The following TMEM259 variants were observed in gnomAD, a reference collection of about 807,000 sequenced individuals.
TMEM259 encodes membralin.
In TMEM259, 26 loss-of-function variants were observed where a neutral mutation model predicts 46.7. The ratio of observed to expected loss-of-function variants is 0.56; its 90% CI spans 0.41 to 0.77. The LOEUF is 0.77. Ranked by LOEUF, TMEM259 falls within the 30% of genes least tolerant of loss-of-function variation. The pLI is 0.00. For missense variants in TMEM259, 930 were observed against 900.5 expected (o/e 1.03, Z -0.42); for synonymous variants, 494 against 395.1 (o/e 1.25, Z -2.97).
At position 1,009,842 on chromosome 19, in the gene TMEM259, C is replaced by A; in HGVS notation, c.*508G>T. The A allele has an allele frequency of 2.3e-6, 1 of 428,286 alleles. No homozygotes were observed. The highest frequency in any genetic ancestry group is 4.1e-6 in the Non-Finnish European group (1 of 244,672). The allele number at this position is 428,286 out of a possible 1,614,324, so 26.5% of individuals were successfully genotyped here. A position where few individuals can be genotyped will look rare whatever the true frequency, so the allele number is the denominator to read the frequency against. ...TGATGTTGGCGCCTGCACCCCACGT[C>A]CCTATGCCCGAGGCGCAAGCTCTGC... On this transcript the variant is annotated 3_prime_UTR_variant, in exon 11 of 11. Transcript: ENST00000356663.
At position 1,011,806 on chromosome 19, in the gene TMEM259, G is replaced by A. The variant is rs1395118561; in HGVS notation, c.943-8C>T. On this transcript the variant is annotated splice_polypyrimidine_tract_variant and splice_region_variant and intron_variant, in intron 6 of 10. Transcript: ENST00000356663. Reference sequence around the variant, plus strand: ...CATGGACACGCTCAGCGTCTGCAAGGGGCGCGCAGGAAGCGCTATGAGGGG... The same window carrying A: ...CATGGACACGCTCAGCGTCTGCAAGAGGCGCGCAGGAAGCGCTATGAGGGG... The A allele has an allele frequency of 1.6e-5, 25 of 1,583,238 alleles. No homozygotes were observed. Among genetic ancestry groups the A allele is most frequent in the Non-Finnish European group, 2.1e-5 (25 of 1,164,070 alleles).
Position 1,011,480 on chromosome 19 carries a change from CG to C in TMEM259, c.1103del (p.Ser368TrpfsTer75). ...LALVGMEAIM[S>X]EFFNDTTTAF... ...CGGTGGTGGTGTCGTTGAAGAACTC[CG>C]ACATGATGGCCTCCATCCCTGCAGG... On this transcript the variant is annotated frameshift_variant, in exon 9 of 11. Coordinates refer to ENST00000356663, the MANE Select transcript of TMEM259 (RefSeq NM_001033026.2). LOFTEE classifies it high-confidence loss of function. 1.9e-6 allele frequency: 3 copies of C among 1,550,096 alleles called. No homozygotes were observed. Among genetic ancestry groups the C allele is most frequent in the Non-Finnish European group, 2.6e-6 (3 of 1,147,750 alleles).
chr19:1,014,378 A>G lies in TMEM259; in HGVS notation c.321T>C (p.Arg107=), dbSNP rs1058506. The part of the protein sequence containing the change: ...CLEHVRDKWP[R]EGILRVEVRH... ...GCACTTCCACACGCAGGATGCCCTC[A>G]CGCGGCCACTTGTCACGCACATGCT... Residue 107 remains arginine, a synonymous_variant, in exon 2 of 11, where the codon CGT becomes CGC. Coordinates refer to ENST00000356663, the MANE Select transcript of TMEM259 (RefSeq NM_001033026.2). 298,189 of 1,612,684 alleles carry G rather than the reference A, an allele frequency of 0.18. 28,365 individuals are homozygous for G. The highest frequency in any genetic ancestry group is 0.24 in the South Asian group (22,095 of 91,078).
At chr19:1,014,169 A>T in intron 2 of TMEM259, 23 bp downstream of exon 2, 1 of 1,593,940 alleles carries the variant, frequency 6.3e-7, no homozygotes, top group Non-Finnish European at 8.6e-7. Context: ...CCTCTGCTGC[A>T]GCTGAGCCCA....
chr19:1,015,588 G>T (rs960020151), intron 1 of TMEM259, among the ~76,000 whole-genome samples: 7 of 152,156 alleles, frequency 4.6e-5, no homozygotes, highest in Non-Finnish European at 7.4e-5. Context: ...ACGTCTACCT[G>T]CTGCCCCGAT....
chr19:1,014,114 T>C, intron 2 of TMEM259, 78 bp downstream of exon 2: 3 of 1,503,052 alleles, frequency 2.0e-6, no homozygotes, highest in South Asian at 1.2e-5. Flanking sequence ...ATCCTGTCGA[T>C]GTCAGGAACC....
rs534895407 is a variant in TMEM259 at position 1,015,646 on chromosome 19, A to G, written c.226-1173T>C. Among the ~76,000 whole-genome samples the G allele has an allele frequency of 8.6e-5, 13 of 151,166 alleles. No individual in the cohort carries two copies. The South Asian group carries it at 2.3e-3, about 27-fold the overall frequency. On this transcript the variant is annotated intron_variant, in intron 1 of 10. Transcript: ENST00000356663. ...GGGCCAAGGGGGCGCCCACGGCCACATGGAACCCCAGACTCTCAGGGAAGA... is the reference window on the plus strand; with the variant it reads ...GGGCCAAGGGGGCGCCCACGGCCACGTGGAACCCCAGACTCTCAGGGAAGA...
chr19:1,018,392 A>G (rs1465016764), intron 1 of TMEM259, among the ~76,000 whole-genome samples: 1 of 152,162 alleles, frequency 6.6e-6, no homozygotes, highest in African/African-American at 2.4e-5. Context: ...CATTTCCTAA[A>G]GCCACCCAGG....
At chr19:1,012,029 C>T (rs772690124) in intron 5 of TMEM259, 37 bp from the exon 6 acceptor site, 21 of 1,611,660 alleles carry the variant, frequency 1.3e-5, no homozygotes, top group South Asian at 5.5e-5. Context: ...CGCCCCCACC[C>T]GCGCCCTCGC....
Position 1,020,232 on chromosome 19 carries a change from G to T in TMEM259, c.225+540C>A, listed in dbSNP as rs539164887. ...GGGAACGCAGCTGAAAGGCTACAAGGAGGGAGAGAGGGGAGTGGGGAGTCG... is the reference window on the plus strand; with the variant it reads ...GGGAACGCAGCTGAAAGGCTACAAGTAGGGAGAGAGGGGAGTGGGGAGTCG... On this transcript the variant is annotated intron_variant, in intron 1 of 10. Coordinates refer to ENST00000356663, the MANE Select transcript of TMEM259 (RefSeq NM_001033026.2). This position sits in a 1 kb window ranked among gnomAD's most constrained non-coding sequence, Gnocchi z 4.0. 6.6e-6 allele frequency among the ~76,000 whole-genome samples: 1 copy of T among 152,194 alleles called. No homozygotes were observed. Among genetic ancestry groups the T allele is most frequent in the Admixed American group, 6.5e-5 (1 of 15,282 alleles).
chr19:1,014,298 C>G lies in TMEM259; in HGVS notation c.401G>C (p.Arg134Pro). The change falls in exon 2 of 11, where the codon CGC becomes CCC. Residue 134 changes from arginine to proline, a missense_variant. Coordinates refer to ENST00000356663, the MANE Select transcript of TMEM259 (RefSeq NM_001033026.2). ...VFLQFCDSGG[R>P]GSFPGLAVEP... Reference sequence around the variant, plus strand: ...CACGGCCAGGCCCGGGAAGCTCCCGCGGCCGCCGCTGTCACAGAACTGTAG... The same window carrying G: ...CACGGCCAGGCCCGGGAAGCTCCCGGGGCCGCCGCTGTCACAGAACTGTAG... 6.2e-7 allele frequency: 1 copy of G among 1,612,722 alleles called. No homozygotes were observed. Among genetic ancestry groups the G allele is most frequent in the Middle Eastern group, 1.6e-4 (1 of 6,062 alleles).
intron 3 of TMEM259, among the ~76,000 whole-genome samples, chr19:1,012,914 G>C (rs2038984683): frequency 6.6e-6 from 1 of 152,178 alleles, no homozygotes; most frequent in Non-Finnish European, 1.5e-5. Context: ...TCTGCTGCCA[G>C]ATGGGCAGGG....
intron 1 of TMEM259, among the ~76,000 whole-genome samples, chr19:1,018,246 G>C (rs999297783): frequency 6.6e-6 from 1 of 152,062 alleles, no homozygotes; most frequent in Non-Finnish European, 1.5e-5. Context: ...GAGGTCTCCC[G>C]AGGGCCCCTG....
chr19:1,015,711 C>T (rs373253674), intron 1 of TMEM259, among the ~76,000 whole-genome samples: 2 of 152,208 alleles, frequency 1.3e-5, no homozygotes, highest in African/African-American at 4.8e-5. Context: ...GAGCCTGGAG[C>T]ACAGGGCCCC....
chr19:1,010,245 G>C lies in TMEM259; in HGVS notation c.*105C>G. 5.4e-6 allele frequency: 6 copies of C among 1,112,022 alleles called. No homozygotes were observed. The highest frequency in any genetic ancestry group is 6.0e-6 in the Non-Finnish European group (5 of 828,096). The allele number at this position is 1,112,022 out of a possible 1,614,324, so 68.9% of individuals were successfully genotyped here. On this transcript the variant is annotated 3_prime_UTR_variant, in exon 11 of 11. Coordinates refer to ENST00000356663, the MANE Select transcript of TMEM259 (RefSeq NM_001033026.2). Reference sequence around the variant, plus strand: ...GAAACCCTGAAAGCCCCCGACACAGGCTGGGCAGTCCCAGAGGAAGGAGGT... The same window carrying C: ...GAAACCCTGAAAGCCCCCGACACAGCCTGGGCAGTCCCAGAGGAAGGAGGT...
In TMEM259 at chr19:1,020,793, G is replaced by A. The variant is rs756044896; in HGVS notation, c.204C>T (p.Phe68=). The change falls in exon 1 of 11, where the codon TTC becomes TTT. Residue 68 remains phenylalanine, a synonymous_variant. Transcript: ENST00000356663. This position sits in a 1 kb window ranked among gnomAD's most constrained non-coding sequence, Gnocchi z 4.0. Reference sequence around the variant, plus strand: ...TCACCTTGAGCAGCACGAAGAACTCGAAGAGACGGCGGAAGGCGGGCGGGA... The same window carrying A: ...TCACCTTGAGCAGCACGAAGAACTCAAAGAGACGGCGGAAGGCGGGCGGGA... ...RLFPPAFRRL[F]EFFVLLKALF... is the part of the protein sequence containing the mutation. The A allele has an allele frequency of 9.5e-5, 129 of 1,353,024 alleles. No individual in the cohort carries two copies. Among genetic ancestry groups the A allele is most frequent in the Non-Finnish European group, 1.2e-4 (124 of 1,048,302 alleles). 83.8% of individuals were successfully genotyped at this position (1,353,024 alleles called of 1,614,324 possible). A position where few individuals can be genotyped will look rare whatever the true frequency, so the allele number is the denominator to read the frequency against.
intron 1 of TMEM259, among the ~76,000 whole-genome samples, chr19:1,018,018 G>A (rs969174056): frequency 6.6e-6 from 1 of 152,240 alleles, no homozygotes; most frequent in South Asian, 2.1e-4. Flanking sequence ...CCCCACAAGA[G>A]GAGCCCCATT....
chr19:1,018,194 A>T (rs2039171646), intron 1 of TMEM259, among the ~76,000 whole-genome samples: 1 of 152,156 alleles, frequency 6.6e-6, no homozygotes, highest in Admixed American at 6.5e-5. Flanking sequence ...CACTGGGCTC[A>T]GGGCCATGAA....
intron 1 of TMEM259, among the ~76,000 whole-genome samples, chr19:1,019,871 G>T (rs912677585): frequency 1.3e-5 from 2 of 152,222 alleles, no homozygotes; most frequent in African/African-American, 4.8e-5. Flanking sequence ...CGGCCAGCTT[G>T]TTTTCTGAGG....
Sources: gnomAD v4.1 joint callset for allele counts (sites outside exome capture counted in the v4.1 genomes callset) on GRCh38, gnomAD v4.1.1 for gene constraint, Gnocchi (gnomAD v3.1) non-coding constraint, MANE v1.5 for transcripts, NCBI Gene and HGNC (gene_info 2026-07-23, HGNC 2026-07-21) for gene names.